The following NRXN1 variants were observed in gnomAD, a reference collection of about 807,000 sequenced individuals.
NRXN1 encodes neurexin 1.
In NRXN1, 39 loss-of-function variants were observed where a neutral mutation model predicts 150.9. That is an observed-to-expected ratio of 0.26 (90% CI 0.20 to 0.34). The LOEUF (loss-of-function observed/expected upper bound fraction) is 0.34. NRXN1 is among the 10% of genes least tolerant of loss of function. The pLI is 1.00. For synonymous variants in NRXN1, 924 were observed against 757.0 expected (o/e 1.22, Z -3.62); for missense variants, 1,815 against 1,949.9 (o/e 0.93, Z 1.30).
chr2:50,668,753 G>A (rs1025329872), intron 5 of NRXN1, among the ~76,000 whole-genome samples: 1 of 151,880 alleles, frequency 6.6e-6, no homozygotes, highest in African/African-American at 2.4e-5. Flanking sequence ...TCCTCCTCCT[G>A]GTTACAGAGC....
intron 21 of NRXN1, among the ~76,000 whole-genome samples, chr2:49,961,465 A>G (rs572091087): frequency 6.6e-6 from 1 of 152,232 alleles, no homozygotes; most frequent in Non-Finnish European, 1.5e-5. Context: ...CAATGCTGGA[A>G]TTAAACAAAT....
At chr2:50,348,187 G>A (rs898482503) in intron 17 of NRXN1, among the ~76,000 whole-genome samples, 1 of 152,082 alleles carries the variant, frequency 6.6e-6, no homozygotes, top group Non-Finnish European at 1.5e-5. Flanking sequence ...AGCATCAGTC[G>A]CGATGATCTG....
chr2:50,315,177 T>C (rs1207111452), intron 17 of NRXN1, among the ~76,000 whole-genome samples: 1 of 152,048 alleles, frequency 6.6e-6, no homozygotes, highest in Non-Finnish European at 1.5e-5. Context: ...GAGCTTTTTT[T>C]TCCCCCTGTT....
intron 12 of NRXN1, among the ~76,000 whole-genome samples, chr2:50,515,909 G>C (rs1298922179): frequency 1.3e-5 from 2 of 151,946 alleles, no homozygotes; most frequent in Non-Finnish European, 2.9e-5. Context: ...TGTTTCCCAG[G>C]TTGTAATTAT....
At chr2:50,828,536 C>T (rs1670874232) in intron 5 of NRXN1, among the ~76,000 whole-genome samples, 1 of 150,812 alleles carries the variant, frequency 6.6e-6, no homozygotes, top group Non-Finnish European at 1.5e-5. Context: ...AGAGACGCTC[C>T]TCACCTCCCA....
At chr2:50,230,695 T>C (rs1462099742) in intron 18 of NRXN1, among the ~76,000 whole-genome samples, 3 of 152,048 alleles carry the variant, frequency 2.0e-5, no homozygotes, top group African/African-American at 7.2e-5. Context: ...TCTAGAATTC[T>C]AGAAACCAAA....
rs529383710 is a variant in NRXN1, at chr2:50,544,261, A to G, written c.1760-5625T>C. Reference sequence around the variant, plus strand: ...ATAAAAACAGAATACAACATTGACAATAGGGTATAATGTAAAATGTAAAAT... The same window carrying G: ...ATAAAAACAGAATACAACATTGACAGTAGGGTATAATGTAAAATGTAAAAT... On this transcript the variant is annotated intron_variant, in intron 9 of 22. Coordinates refer to ENST00000401669, the MANE Select transcript of NRXN1 (RefSeq NM_001330078.2). Among the ~76,000 whole-genome samples, 8 of 152,188 alleles carry G rather than the reference A, an allele frequency of 5.3e-5. No homozygotes were observed. In the South Asian group the frequency reaches 1.4e-3, roughly 28 times the overall value.
Position 50,340,933 on chromosome 2 carries a change from C to A in NRXN1, c.3365-103963G>T, listed in dbSNP as rs564470451. 8.5e-5 allele frequency among the ~76,000 whole-genome samples: 13 copies of A among 152,244 alleles called. No homozygotes were observed. In the East Asian group the frequency reaches 2.5e-3, roughly 29 times the overall value. On this transcript the variant is annotated intron_variant, in intron 17 of 22. Transcript: ENST00000401669. ...GGAAAGCTGGTTTTCTCTGTATGAA[C>A]CAAGTTTGGTTGCTCTATTCTCTTC...
chr2:50,126,233 G>A (rs1704564987), intron 18 of NRXN1, among the ~76,000 whole-genome samples: 1 of 152,062 alleles, frequency 6.6e-6, no homozygotes, highest in African/African-American at 2.4e-5. Context: ...TGCTGCAGGT[G>A]TGTTTGACTG....
At chr2:50,507,643 A>AG in intron 12 of NRXN1, among the ~76,000 whole-genome samples, 1 of 151,574 alleles carries the variant, frequency 6.6e-6, no homozygotes, top group East Asian at 1.9e-4. Context: ...CCTCAAAAAA[A>AG]AAAAAAAAAA....
chr2:50,101,139 CT>C (rs1414240943), intron 18 of NRXN1, among the ~76,000 whole-genome samples: 1 of 151,824 alleles, frequency 6.6e-6, no homozygotes, highest in Non-Finnish European at 1.5e-5. Flanking sequence ...TTTAAAGACC[CT>C]TGTTGGAATG....
chr2:50,109,499 C>T (rs573166954), intron 18 of NRXN1, among the ~76,000 whole-genome samples: 1 of 152,112 alleles, frequency 6.6e-6, no homozygotes, highest in East Asian at 1.9e-4. Flanking sequence ...CATACTCTTC[C>T]TGTCTTTTTT....
intron 5 of NRXN1, among the ~76,000 whole-genome samples, chr2:50,873,936 G>C (rs1678181332): frequency 1.3e-5 from 2 of 151,752 alleles, no homozygotes; most frequent in Admixed American, 1.3e-4. Context: ...CTTAACTCCA[G>C]CCCACCCCAT....
intron 21 of NRXN1, among the ~76,000 whole-genome samples, chr2:49,990,372 G>A (rs1244306545): frequency 1.3e-5 from 2 of 152,132 alleles, no homozygotes; most frequent in East Asian, 3.8e-4. Flanking sequence ...GAGCCAGGTG[G>A]CCAGATGGAA....
chr2:50,802,502 G>A (rs4260281), intron 5 of NRXN1, among the ~76,000 whole-genome samples: 18,020 of 38,520 alleles, frequency 0.47, 2,704 homozygotes, highest in African/African-American at 0.48. Context: ...AAGAGAAATG[G>A]AAGGAAGGAA....
chr2:50,920,455 A>G (rs569703059), intron 5 of NRXN1, among the ~76,000 whole-genome samples: 2 of 151,918 alleles, frequency 1.3e-5, no homozygotes, highest in African/African-American at 4.8e-5. Flanking sequence ...TAACAAATAT[A>G]CGAGTGTATA....
chr2:50,522,726 T>C lies in NRXN1; in HGVS notation c.2374+5899A>G, dbSNP rs1364893040. On this transcript the variant is annotated intron_variant, in intron 12 of 22. Coordinates refer to ENST00000401669, the MANE Select transcript of NRXN1 (RefSeq NM_001330078.2). Reference sequence around the variant, plus strand: ...TATTCATTTATTTTTATTCATTTTTTTTTTTTTTTTTTTTTTTTTTTTTTG... The same window carrying C: ...TATTCATTTATTTTTATTCATTTTTCTTTTTTTTTTTTTTTTTTTTTTTTG... 4.0e-3 allele frequency among the ~76,000 whole-genome samples: 261 copies of C among 65,056 alleles called. 28 individuals carry two copies. Among genetic ancestry groups the C allele is most frequent in the Non-Finnish European group, 6.3e-3 (164 of 26,104 alleles). 42.7% of individuals were successfully genotyped at this position (65,056 alleles called of 152,430 possible).
intron 2 of NRXN1, among the ~76,000 whole-genome samples, chr2:50,937,004 G>C (rs1174748861): frequency 6.6e-6 from 1 of 152,030 alleles, no homozygotes; most frequent in Non-Finnish European, 1.5e-5. Flanking sequence ...GAGAGAGCAA[G>C]GTGCCTCTCG....
chr2:50,764,973 G>A (rs557795455), intron 5 of NRXN1, among the ~76,000 whole-genome samples: 2 of 152,054 alleles, frequency 1.3e-5, no homozygotes, highest in African/African-American at 4.8e-5. Context: ...AAAGTTCAAT[G>A]GTCTATAAGT....
Sources: gnomAD v4.1 joint callset for allele counts (sites outside exome capture counted in the v4.1 genomes callset) on GRCh38, gnomAD v4.1.1 for gene constraint, MANE v1.5 for transcripts, NCBI Gene and HGNC (gene_info 2026-07-23, HGNC 2026-07-21) for gene names.